Variants in ECHS1 observed in about 807,000 individuals in gnomAD.
ECHS1 encodes the protein enoyl-CoA hydratase, mitochondrial.
A neutral mutation model predicts 33.5 loss-of-function variants in ECHS1; 19 were observed. That is an observed-to-expected ratio of 0.57 (90% CI 0.40 to 0.83). The LOEUF is 0.83. Among genes scored for constraint, ECHS1 ranks in the 40% least tolerant of loss-of-function variants. ECHS1 has a pLI of 0.00. For missense variants in ECHS1, 365 were observed against 381.3 expected, an observed-to-expected ratio of 0.96 and a Z score of 0.36; for synonymous variants, 158 against 146.6, an observed-to-expected ratio of 1.08 and a Z score of -0.56.
chr10:133,370,659 C>T lies in ECHS1; in HGVS notation c.187G>A (p.Asp63Asn), dbSNP rs763796581. Residue 63 changes from aspartate to asparagine, a missense_variant, in exon 2 of 8, where the codon GAT becomes AAT. Asp to Asn is a conservative substitution (Grantham distance 23). Transcript: ENST00000368547. ...NRPKALNALC[D>N]GLIDELNQAL... is the part of the protein sequence containing the mutation. ...TGGTTGAGCTCGTCAATCAGGCCAT[C>T]GCAAAGTGCATTGAGGGCCTTGGGG... The T allele has an allele frequency of 1.5e-5, 25 of 1,613,174 alleles. No individual in the cohort carries two copies. In the East Asian group the frequency reaches 1.8e-4, roughly 12 times the overall value.
At chr10:133,365,614 C>T (rs1025867603) in intron 6 of ECHS1, among the ~76,000 whole-genome samples, 2 of 152,206 alleles carry the variant, frequency 1.3e-5, no homozygotes, top group Non-Finnish European at 2.9e-5. Context: ...CACACGCAGC[C>T]GCCAACCCCA....
intron 1 of ECHS1, 40 bp downstream of exon 1, chr10:133,373,205 CA>C: frequency 7.2e-7 from 1 of 1,393,452 alleles, no homozygotes. Context: ...AGGTCGGAGT[CA>C]GGAGGAGATT....
chr10:133,370,102 C>T, intron 2 of ECHS1, 71 bp from the exon 3 acceptor site: 2 of 1,582,920 alleles, frequency 1.3e-6, no homozygotes. Context: ...TCTCTCAGAC[C>T]AACAAGGAAC....
At chr10:133,366,445 G>C (rs1437305752) in intron 5 of ECHS1, among the ~76,000 whole-genome samples, 1 of 152,268 alleles carries the variant, frequency 6.6e-6, no homozygotes, top group Non-Finnish European at 1.5e-5. Flanking sequence ...CAATTGCTGG[G>C]CTGTTATTCT....
Position 133,373,339 on chromosome 10 carries a change from T to C in ECHS1, c.-6A>G. 6.7e-7 allele frequency: 1 copy of C among 1,497,172 alleles called. No homozygotes were observed. Among genetic ancestry groups the C allele is most frequent in the Non-Finnish European group, 8.9e-7 (1 of 1,129,828 alleles). The allele number at this position is 1,497,172 out of a possible 1,614,324, so 92.7% of individuals were successfully genotyped here. A position where few individuals can be genotyped will look rare whatever the true frequency, so the allele number is the denominator to read the frequency against. Reference sequence around the variant, plus strand: ...AGGACACGCAGGGCGGCCATGGCTCTCTGGACTCCTCGCCCGGCCCCGCGG... The same window carrying C: ...AGGACACGCAGGGCGGCCATGGCTCCCTGGACTCCTCGCCCGGCCCCGCGG... On this transcript the variant is annotated 5_prime_UTR_variant, in exon 1 of 8. Transcript: ENST00000368547.
chr10:133,372,493 G>C (rs545353688), intron 1 of ECHS1, among the ~76,000 whole-genome samples: 44 of 152,328 alleles, frequency 2.9e-4, no homozygotes, highest in African/African-American at 1.0e-3. Context: ...TGCATCTCCT[G>C]TTCTCGGGCT....
chr10:133,364,735 A>G lies in ECHS1; in HGVS notation c.740-10T>C, dbSNP rs1275416597. 3 of 1,610,884 alleles carry G rather than the reference A, an allele frequency of 1.9e-6. No homozygotes were observed. The highest frequency in any genetic ancestry group is 2.5e-6 in the Non-Finnish European group (3 of 1,177,334). Reference sequence around the variant, plus strand: ...AATGTCATTTCAAAAGCTGAAAAACAAAGTCCCAGAGTTATGAACGGAGAT... The same window carrying G: ...AATGTCATTTCAAAAGCTGAAAAACGAAGTCCCAGAGTTATGAACGGAGAT... On this transcript the variant is annotated splice_polypyrimidine_tract_variant and intron_variant, in intron 6 of 7. Coordinates refer to ENST00000368547, the MANE Select transcript of ECHS1 (RefSeq NM_004092.4).
intron 5 of ECHS1, among the ~76,000 whole-genome samples, chr10:133,366,581 T>A (rs1018213644): frequency 2.0e-5 from 3 of 151,674 alleles, no homozygotes; most frequent in African/African-American, 7.3e-5. Flanking sequence ...GTGGGGGCAC[T>A]TGGATGCTGC....
At chr10:133,367,489 G>C (rs999237873) in intron 4 of ECHS1, among the ~76,000 whole-genome samples, 2 of 151,676 alleles carry the variant, frequency 1.3e-5, no homozygotes, top group African/African-American at 4.9e-5. Context: ...TGTCACACCT[G>C]CATAAGGGCC....
chr10:133,369,286 C>T (rs1444678815), intron 3 of ECHS1, among the ~76,000 whole-genome samples: 7 of 152,096 alleles, frequency 4.6e-5, no homozygotes, highest in African/African-American at 1.2e-4. Flanking sequence ...CTGCTGTGGC[C>T]GAAATGCAGC....
chr10:133,366,807 A>T, intron 5 of ECHS1, 82 bp downstream of exon 5: 2 of 1,085,762 alleles, frequency 1.8e-6, no homozygotes, highest in Non-Finnish European at 2.8e-6. Flanking sequence ...CCCGAGGGGG[A>T]CACCTGGATG....
At position 133,370,637 on chromosome 10, in the gene ECHS1, T is replaced by C; in HGVS notation, c.209A>G (p.Asn70Ser). ...ALCDGLIDELNQALKTFEEDP... is the reference protein window; with the variant it reads ...ALCDGLIDELSQALKTFEEDP... ...CTCCTCGAAGGTCTTCAGGGCCTGG[T>C]TGAGCTCGTCAATCAGGCCATCGCA... Residue 70 changes from asparagine to serine, a missense_variant, in exon 2 of 8, where the codon AAC (asparagine) becomes AGC (serine). Transcript: ENST00000368547. The C allele has an allele frequency of 6.2e-7, 1 of 1,612,862 alleles. No individual in the cohort carries two copies. The highest frequency in any genetic ancestry group is 8.5e-7 in the Non-Finnish European group (1 of 1,179,744).
intron 1 of ECHS1, among the ~76,000 whole-genome samples, chr10:133,372,774 G>C (rs1849126522): frequency 7.2e-6 from 1 of 137,932 alleles, no homozygotes; most frequent in African/African-American, 2.8e-5. Context: ...CTGTGGGTGC[G>C]GGTCAGGTGG....
In ECHS1 at chr10:133,366,593, C is replaced by A. The variant is rs140308157; in HGVS notation, c.619+296G>T. On this transcript the variant is annotated intron_variant, in intron 5 of 7. Coordinates refer to ENST00000368547, the MANE Select transcript of ECHS1 (RefSeq NM_004092.4). Reference sequence around the variant, plus strand: ...ACCGTGGGGGCACTTGGATGCTGCCCGGGGTTTCTGTGGGGCTCCCACGAG... The same window carrying A: ...ACCGTGGGGGCACTTGGATGCTGCCAGGGGTTTCTGTGGGGCTCCCACGAG... 5.0e-3 allele frequency among the ~76,000 whole-genome samples: 752 copies of A among 151,488 alleles called. 3 individuals carry two copies. Among genetic ancestry groups the A allele is most frequent in the Non-Finnish European group, 8.9e-3 (604 of 67,876 alleles).
At chr10:133,363,709 A>G (rs1363997092) in intron 7 of ECHS1, among the ~76,000 whole-genome samples, 2 of 152,124 alleles carry the variant, frequency 1.3e-5, no homozygotes, top group East Asian at 1.9e-4. Context: ...ACTTGAACCC[A>G]GGAGGTGGAG....
intron 6 of ECHS1, 121 bp downstream of exon 6, chr10:133,365,855 A>G: frequency 8.0e-7 from 1 of 1,248,358 alleles, no homozygotes; most frequent in Non-Finnish European, 1.1e-6. Context: ...TGAGACACTG[A>G]GAAGCATTTC....
At position 133,373,334 on chromosome 10, in the gene ECHS1, G is replaced by A. The variant is rs980366726; in HGVS notation, c.-1C>T. ...ACAGCAGGACACGCAGGGCGGCCAT[G>A]GCTCTCTGGACTCCTCGCCCGGCCC... On this transcript the variant is annotated 5_prime_UTR_variant, in exon 1 of 8. Coordinates refer to ENST00000368547, the MANE Select transcript of ECHS1 (RefSeq NM_004092.4). 44 of 1,502,750 alleles carry A rather than the reference G, an allele frequency of 2.9e-5. No individual in the cohort carries two copies. The African/African-American group carries it at 4.6e-4, about 16-fold the overall frequency. 93.1% of individuals were successfully genotyped at this position (1,502,750 alleles called of 1,614,324 possible). A position where few individuals can be genotyped will look rare whatever the true frequency, so the allele number is the denominator to read the frequency against.
At chr10:133,363,035 TC>T in intron 7 of ECHS1, 102 bp from the exon 8 acceptor site, 1 of 1,388,688 alleles carries the variant, frequency 7.2e-7, no homozygotes, top group Non-Finnish European at 1.0e-6. Flanking sequence ...TCACTCATGC[TC>T]ACAGGGGCCC....
intron 4 of ECHS1, among the ~76,000 whole-genome samples, chr10:133,368,179 T>G (rs1292901332): frequency 6.6e-6 from 1 of 152,164 alleles, no homozygotes; most frequent in Non-Finnish European, 1.5e-5. Flanking sequence ...TGACATTAGA[T>G]CAAGGTGATG....
Sources: gnomAD v4.1 joint callset for allele counts (sites outside exome capture counted in the v4.1 genomes callset) on GRCh38, gnomAD v4.1.1 for gene constraint, MANE v1.5 for transcripts, NCBI Gene and HGNC (gene_info 2026-07-23, HGNC 2026-07-21) for gene names.